The following UBE3D variants were observed in gnomAD, a reference collection of about 807,000 sequenced individuals.
UBE3D encodes ubiquitin protein ligase E3D, also known as E3 ubiquitin-protein ligase E3D.
UBE3D carries 48 observed loss-of-function variants against 49.6 expected under a neutral mutation model. The ratio of observed to expected loss-of-function variants is 0.97; its 90% CI spans 0.77 to 1.23. UBE3D has a LOEUF of 1.23. Ranked by LOEUF, UBE3D falls within the 50% of genes most tolerant of loss-of-function variation. The pLI, the probability that UBE3D is intolerant of heterozygous loss-of-function variation, is 0.00. For synonymous variants in UBE3D, 189 were observed against 174.2 expected (o/e 1.08, Z -0.67); for missense variants, 452 against 468.4 (o/e 0.96, Z 0.32).
At chr6:82,931,520 C>T (rs1774153457) in intron 9 of UBE3D, among the ~76,000 whole-genome samples, 1 of 152,222 alleles carries the variant, frequency 6.6e-6, no homozygotes, top group Admixed American at 6.5e-5. Context: ...GACAGAGCTG[C>T]CCAAAGCCAT....
At chr6:82,937,989 G>T (rs536710391) in intron 9 of UBE3D, among the ~76,000 whole-genome samples, 2 of 151,942 alleles carry the variant, frequency 1.3e-5, no homozygotes, top group Admixed American at 1.3e-4. Context: ...GGGCGTGTGC[G>T]CGCGCACACA....
chr6:83,051,594 C>T (rs1170534731), intron 3 of UBE3D, among the ~76,000 whole-genome samples: 1 of 152,186 alleles, frequency 6.6e-6, no homozygotes, highest in Non-Finnish European at 1.5e-5. Flanking sequence ...GTTTCAGAAA[C>T]TTCTTCTGAG....
intron 9 of UBE3D, among the ~76,000 whole-genome samples, chr6:82,927,732 A>G (rs1392488523): frequency 6.8e-6 from 1 of 146,602 alleles, no homozygotes; most frequent in Non-Finnish European, 1.5e-5. Flanking sequence ...ATCTTGTTAT[A>G]ATCACTTATT....
At chr6:82,895,174 G>A (rs1771224472) in intron 9 of UBE3D, among the ~76,000 whole-genome samples, 1 of 152,076 alleles carries the variant, frequency 6.6e-6, no homozygotes, top group Non-Finnish European at 1.5e-5. Context: ...AGCCAGGCAT[G>A]GTGGCAGGTA....
At chr6:83,062,450 TC>T (rs1442471936) in intron 1 of UBE3D, among the ~76,000 whole-genome samples, 2 of 152,160 alleles carry the variant, frequency 1.3e-5, no homozygotes, top group Non-Finnish European at 2.9e-5. Context: ...GAATCTGCCC[TC>T]AGGAACCACG....
intron 9 of UBE3D, among the ~76,000 whole-genome samples, chr6:82,923,184 T>C (rs1321197162): frequency 3.9e-5 from 6 of 152,194 alleles, no homozygotes; most frequent in African/African-American, 1.4e-4. Context: ...AGAAATACTA[T>C]TTGACCCAGC....
chr6:82,923,727 T>C (rs1307891306), intron 9 of UBE3D, among the ~76,000 whole-genome samples: 3 of 152,028 alleles, frequency 2.0e-5, no homozygotes, highest in African/African-American at 7.2e-5. Flanking sequence ...AATAAATAAC[T>C]AAATAAAAGA....
At chr6:83,032,068 G>C (rs755123064) in intron 5 of UBE3D, among the ~76,000 whole-genome samples, 1 of 152,230 alleles carries the variant, frequency 6.6e-6, no homozygotes, top group Non-Finnish European at 1.5e-5. Flanking sequence ...GAAAGGTGGG[G>C]TGGGAGCTCC....
intron 1 of UBE3D, among the ~76,000 whole-genome samples, chr6:83,059,489 G>C (rs2127853246): frequency 6.6e-6 from 1 of 152,336 alleles, no homozygotes; most frequent in Non-Finnish European, 1.5e-5. Context: ...TCTGACCACT[G>C]CTCTAAAGAT....
chr6:83,062,673 A>T (rs1784242338), intron 1 of UBE3D, among the ~76,000 whole-genome samples: 1 of 152,246 alleles, frequency 6.6e-6, no homozygotes, highest in Admixed American at 6.5e-5. Flanking sequence ...AAACTAGCAT[A>T]CAGTTTTATG....
intron 8 of UBE3D, among the ~76,000 whole-genome samples, chr6:82,972,266 C>CTAT (rs1777409640): frequency 6.6e-6 from 1 of 152,210 alleles, no homozygotes; most frequent in Non-Finnish European, 1.5e-5. Context: ...CACAAGAGGG[C>CTAT]ACTTGGCAAT....
At chr6:82,976,820 G>C (rs975950408) in intron 8 of UBE3D, among the ~76,000 whole-genome samples, 7 of 152,072 alleles carry the variant, frequency 4.6e-5, no homozygotes, top group Non-Finnish European at 1.0e-4. Flanking sequence ...TGAGGTTACA[G>C]AAGGTAAAGG....
At chr6:83,044,729 A>G (rs902101997) in intron 3 of UBE3D, 70 bp from the exon 4 acceptor site, 22 of 1,277,824 alleles carry the variant, frequency 1.7e-5, no homozygotes, top group Non-Finnish European at 2.1e-5. Context: ...TTAAATGACC[A>G]TAAAAGATGA....
At chr6:82,977,753 G>A (rs1300141694) in intron 8 of UBE3D, among the ~76,000 whole-genome samples, 2 of 152,032 alleles carry the variant, frequency 1.3e-5, no homozygotes, top group Admixed American at 6.6e-5. Flanking sequence ...CAGAAAAATC[G>A]CTTGAACCCA....
chr6:83,046,842 A>G (rs1354461094), intron 3 of UBE3D, among the ~76,000 whole-genome samples: 1 of 152,214 alleles, frequency 6.6e-6, no homozygotes, highest in Non-Finnish European at 1.5e-5. Context: ...AAGGCAATAA[A>G]CACAAACTGC....
At chr6:82,909,881 C>T (rs945217329) in intron 9 of UBE3D, among the ~76,000 whole-genome samples, 2 of 152,276 alleles carry the variant, frequency 1.3e-5, no homozygotes, top group Non-Finnish European at 2.9e-5. Flanking sequence ...GGATGCGATC[C>T]TTCCCCTTCC....
At chr6:82,887,816 T>C (rs7773630), downstream of UBE3D, among the ~76,000 whole-genome samples, 49,470 of 152,026 alleles carry the variant, frequency 0.33, 9,422 homozygotes, top group African/African-American at 0.51. Flanking sequence ...TTGTTACTTA[T>C]ATCACCATCC....
intron 8 of UBE3D, among the ~76,000 whole-genome samples, chr6:82,981,786 A>T (rs987476102): frequency 2.0e-5 from 3 of 152,108 alleles, no homozygotes; most frequent in African/African-American, 4.8e-5. Flanking sequence ...TTAAAAAAAA[A>T]TCTGTTGCTA....
intron 8 of UBE3D, among the ~76,000 whole-genome samples, chr6:82,985,216 A>T (rs1778394406): frequency 6.6e-6 from 1 of 150,512 alleles, no homozygotes. Context: ...TTTTCTTTTT[A>T]TTTCTATGTA....
Sources: gnomAD v4.1 joint callset for allele counts (sites outside exome capture counted in the v4.1 genomes callset) on GRCh38, gnomAD v4.1.1 for gene constraint, MANE v1.5 for transcripts, NCBI Gene and HGNC (gene_info 2026-07-23, HGNC 2026-07-21) for gene names.